The following LPCAT2 variants were observed in gnomAD, a reference collection of about 807,000 sequenced individuals.
LPCAT2 encodes the protein 1-AGP acyltransferase 11.
LPCAT2 carries 58 observed loss-of-function variants against 64.7 expected under a neutral mutation model. That is an observed-to-expected ratio of 0.90 (90% CI 0.73 to 1.12). The LOEUF is 1.12. LPCAT2 is among the 50% of genes most tolerant of loss of function. The pLI, the probability that LPCAT2 is intolerant of heterozygous loss-of-function variation, is 0.00. For synonymous variants in LPCAT2, 252 were observed against 245.3 expected, an observed-to-expected ratio of 1.03 and a Z score of -0.26; for missense variants, 579 against 669.8, an observed-to-expected ratio of 0.86 and a Z score of 1.50.
chr16:55,537,939 C>A (rs112922564), intron 8 of LPCAT2, among the ~76,000 whole-genome samples: 2 of 152,182 alleles, frequency 1.3e-5, no homozygotes, highest in Non-Finnish European at 1.5e-5. Context: ...ACAAAAGGAA[C>A]TGACCATAGC....
chr16:55,544,120 A>G (rs1336634569), intron 8 of LPCAT2, among the ~76,000 whole-genome samples: 3 of 152,116 alleles, frequency 2.0e-5, no homozygotes, highest in African/African-American at 7.2e-5. Flanking sequence ...CGCTGAAGTT[A>G]CCACTTAAAA....
chr16:55,531,286 T>C, intron 4 of LPCAT2, among the ~76,000 whole-genome samples: 1 of 152,162 alleles, frequency 6.6e-6, no homozygotes, highest in East Asian at 1.9e-4. Flanking sequence ...TTTAAAAGCA[T>C]CAGAAAATTA....
chr16:55,551,252 T>C (rs1835944555), intron 11 of LPCAT2, 150 bp downstream of exon 11: 3 of 483,542 alleles, frequency 6.2e-6, no homozygotes, highest in Non-Finnish European at 1.0e-5. Flanking sequence ...TGTTTTTTTC[T>C]CCTTAATAGT....
chr16:55,566,650 G>C, intron 11 of LPCAT2: 1 of 1,211,032 alleles, frequency 8.3e-7, no homozygotes. Context: ...AGTGTAAGCA[G>C]GTAAAGAAAA....
intron 1 of LPCAT2, among the ~76,000 whole-genome samples, chr16:55,513,897 C>T (rs1192625309): frequency 6.6e-6 from 1 of 152,114 alleles, no homozygotes. Context: ...CTCTCAAGGG[C>T]GTTTGTCAAA....
intron 8 of LPCAT2, among the ~76,000 whole-genome samples, chr16:55,537,853 G>C (rs1418388880): frequency 1.3e-5 from 2 of 152,224 alleles, no homozygotes; most frequent in African/African-American, 4.8e-5. Flanking sequence ...GGCCAGAGGG[G>C]CATCACCTTG....
chr16:55,549,838 C>T (rs1286923898), intron 10 of LPCAT2, among the ~76,000 whole-genome samples: 1 of 152,110 alleles, frequency 6.6e-6, no homozygotes, highest in Non-Finnish European at 1.5e-5. Context: ...CTAGATCTGC[C>T]TTTTTTTCTG....
intron 12 of LPCAT2, among the ~76,000 whole-genome samples, chr16:55,576,433 T>C (rs1231543912): frequency 6.6e-6 from 1 of 151,924 alleles, no homozygotes; most frequent in East Asian, 1.9e-4. Context: ...ATTCTTCATT[T>C]GCAAGCAATA....
chr16:55,544,680 G>A (rs1023360507), intron 8 of LPCAT2, among the ~76,000 whole-genome samples: 1 of 152,106 alleles, frequency 6.6e-6, no homozygotes, highest in Admixed American at 6.5e-5. Context: ...AACAGAATTA[G>A]CTTTCCTGTG....
At chr16:55,565,542 C>T (rs1963685170) in intron 11 of LPCAT2, among the ~76,000 whole-genome samples, 1 of 152,020 alleles carries the variant, frequency 6.6e-6, no homozygotes, top group Non-Finnish European at 1.5e-5. Flanking sequence ...GGAATTCTGA[C>T]ACATGATACA....
intron 9 of LPCAT2, among the ~76,000 whole-genome samples, chr16:55,547,756 A>G (rs879161645): frequency 3.9e-5 from 6 of 152,006 alleles, no homozygotes; most frequent in Non-Finnish European, 4.4e-5. Flanking sequence ...AATATTTTAG[A>G]TAGAAATTTT....
intron 1 of LPCAT2, among the ~76,000 whole-genome samples, chr16:55,525,038 A>C (rs1000017028): frequency 7.9e-5 from 12 of 151,982 alleles, no homozygotes; most frequent in Non-Finnish European, 1.6e-4. Flanking sequence ...TATTAGTTAT[A>C]AAGTTCTGGC....
chr16:55,554,064 T>C (rs1963548034), intron 11 of LPCAT2, among the ~76,000 whole-genome samples: 1 of 152,198 alleles, frequency 6.6e-6, no homozygotes, highest in African/African-American at 2.4e-5. Context: ...TGTGCAGTCA[T>C]CCAGGCTTTG....
At chr16:55,551,381 A>G (rs563077720) in intron 11 of LPCAT2, 1 of 157,926 alleles carries the variant, frequency 6.3e-6, no homozygotes, top group East Asian at 1.7e-4. Flanking sequence ...GATATAATGT[A>G]TGTATCTATT....
At chr16:55,566,116 G>A (rs1203051278) in intron 11 of LPCAT2, among the ~76,000 whole-genome samples, 1 of 152,072 alleles carries the variant, frequency 6.6e-6, no homozygotes, top group Non-Finnish European at 1.5e-5. Flanking sequence ...TTACATGAAT[G>A]TTACATTTCA....
At chr16:55,551,159 T>C in intron 11 of LPCAT2, 57 bp downstream of exon 11, 1 of 1,452,642 alleles carries the variant, frequency 6.9e-7, no homozygotes. Flanking sequence ...AGTGAGTAAA[T>C]CAATATGGTA....
intron 8 of LPCAT2, among the ~76,000 whole-genome samples, chr16:55,542,307 A>G (rs1254762179): frequency 6.6e-6 from 1 of 152,110 alleles, no homozygotes; most frequent in Non-Finnish European, 1.5e-5. Context: ...GGATGGTGCA[A>G]AGTTAAGTAT....
At chr16:55,567,907 G>A (rs1385872380) in intron 11 of LPCAT2, among the ~76,000 whole-genome samples, 1 of 152,112 alleles carries the variant, frequency 6.6e-6, no homozygotes, top group African/African-American at 2.4e-5. Flanking sequence ...AAAGCCCTCA[G>A]GAGATACATT....
chr16:55,527,369 A>T (rs1480494751), intron 2 of LPCAT2, among the ~76,000 whole-genome samples: 1 of 151,224 alleles, frequency 6.6e-6, no homozygotes, highest in Admixed American at 6.6e-5. Flanking sequence ...AATCCCAGCT[A>T]CTCGAGAGAC....
Sources: allele counts gnomAD v4.1 joint callset (sites outside exome capture counted in the v4.1 genomes callset), GRCh38; gene constraint gnomAD v4.1.1; transcripts MANE v1.5; gene names NCBI Gene and HGNC (gene_info 2026-07-23, HGNC 2026-07-21).